Variants in RARB observed in about 807,000 individuals in gnomAD.
The protein encoded by RARB is HBV-activated protein.
Under a neutral mutation model 51.9 loss-of-function variants are expected in RARB, and 17 were observed. That is an observed-to-expected ratio of 0.33 (90% CI 0.22 to 0.49). RARB has a LOEUF of 0.49. Among genes scored for constraint, RARB ranks in the 20% least tolerant of loss-of-function variants. The pLI is 0.99. For missense variants in RARB, 369 were observed against 550.8 expected (o/e 0.67, Z 3.30); for synonymous variants, 215 against 195.4 (o/e 1.10, Z -0.84).
rs553018611 is a variant in RARB, at chr3:25,195,863, A to C, written c.178+21288A>C. Among the ~76,000 whole-genome samples the C allele has an allele frequency of 1.2e-3, 181 of 152,108 alleles. 1 individual carries two copies. The highest frequency in any genetic ancestry group is 4.2e-3 in the African/African-American group (173 of 41,548). ...TTCTATAAAATAAAGTTATATAAATATATCTGAAGTATATGTAATCTGTTA... is the reference window on the plus strand; with the variant it reads ...TTCTATAAAATAAAGTTATATAAATCTATCTGAAGTATATGTAATCTGTTA... On this transcript the variant is annotated intron_variant, in intron 5 of 11. Transcript: ENST00000383772.
chr3:25,476,466 T>G (rs768414362), intron 2 of RARB, among the ~76,000 whole-genome samples: 1 of 152,192 alleles, frequency 6.6e-6, no homozygotes, highest in African/African-American at 2.4e-5. Context: ...TTACACTCCA[T>G]TCTCTGCAGA....
At chr3:25,245,186 G>A (rs936948548) in intron 5 of RARB, among the ~76,000 whole-genome samples, 1 of 151,930 alleles carries the variant, frequency 6.6e-6, no homozygotes, top group African/African-American at 2.4e-5. Flanking sequence ...TTTATTTTGA[G>A]TCTATGAGTA....
intron 2 of RARB, among the ~76,000 whole-genome samples, chr3:24,993,942 T>A (rs1696969063): frequency 6.6e-6 from 1 of 152,168 alleles, no homozygotes; most frequent in Non-Finnish European, 1.5e-5. Flanking sequence ...TCTTGGCTAT[T>A]GTGAATAGTG....
rs188569956 is a variant in RARB at position 25,086,513 on chromosome 3, A to G, written c.-328+26337A>G. ...CTCTGTAAAATATTTAAAGAGATTT[A>G]TTTTGAGCCAAATATGAGTGACCGT... On this transcript the variant is annotated intron_variant, in intron 3 of 11. Transcript: ENST00000383772. Among the ~76,000 whole-genome samples, 63 of 152,308 alleles carry G rather than the reference A, an allele frequency of 4.1e-4. No individual in the cohort carries two copies. In the Middle Eastern group the frequency reaches 0.01, roughly 25 times the overall value.
At chr3:24,859,774 A>T (rs1178495640) in intron 2 of RARB, among the ~76,000 whole-genome samples, 1 of 152,234 alleles carries the variant, frequency 6.6e-6, no homozygotes, top group Non-Finnish European at 1.5e-5. Context: ...TTTGTGGGCC[A>T]TATGGTCTGT....
At chr3:25,485,025 GT>G (rs1371238408) in intron 2 of RARB, among the ~76,000 whole-genome samples, 1 of 152,098 alleles carries the variant, frequency 6.6e-6, no homozygotes, top group East Asian at 1.9e-4. Flanking sequence ...ATAATTTTGT[GT>G]TTCACACACA....
intron 5 of RARB, among the ~76,000 whole-genome samples, chr3:25,234,694 C>A (rs1193393627): frequency 2.6e-5 from 4 of 151,980 alleles, no homozygotes. Flanking sequence ...TTCTTCATTC[C>A]TCTGACCAGA....
At chr3:24,914,419 T>C (rs1262807642) in intron 2 of RARB, among the ~76,000 whole-genome samples, 1 of 152,112 alleles carries the variant, frequency 6.6e-6, no homozygotes, top group South Asian at 2.1e-4. Flanking sequence ...GGCCTTATCC[T>C]GCTTGCTCAT....
chr3:25,252,856 A>G (rs922382641), intron 5 of RARB, among the ~76,000 whole-genome samples: 10 of 152,094 alleles, frequency 6.6e-5, no homozygotes, highest in Admixed American at 6.6e-4. Context: ...GTGAGTCATG[A>G]CTTATGGATC....
chr3:25,233,173 C>T (rs926094859), intron 5 of RARB, among the ~76,000 whole-genome samples: 2 of 151,722 alleles, frequency 1.3e-5, no homozygotes, highest in African/African-American at 4.8e-5. Context: ...GCTGGCCAGG[C>T]TGGTCTTGAG....
At chr3:25,088,223 T>G (rs1699135908) in intron 3 of RARB, among the ~76,000 whole-genome samples, 1 of 152,126 alleles carries the variant, frequency 6.6e-6, no homozygotes, top group Admixed American at 6.6e-5. Flanking sequence ...TTCACACTTC[T>G]CTTTGCTGTT....
At position 24,871,313 on chromosome 3, in the gene RARB, T is replaced by G. The variant is rs184852503; in HGVS notation, c.-380+12561T>G. Among the ~76,000 whole-genome samples, 6 of 152,318 alleles carry G rather than the reference T, an allele frequency of 3.9e-5. No individual in the cohort carries two copies. The East Asian group carries it at 5.8e-4, about 15-fold the overall frequency. Reference sequence around the variant, plus strand: ...AATATATATTGAGACGACATAGTTTTAAAATCTCTTGATGGTCAATCAAAT... The same window carrying G: ...AATATATATTGAGACGACATAGTTTGAAAATCTCTTGATGGTCAATCAAAT... On this transcript the variant is annotated intron_variant, in intron 2 of 11. Coordinates refer to the RARB transcript ENST00000383772.
intron 4 of RARB, among the ~76,000 whole-genome samples, chr3:25,157,380 G>GTGTGTGTA (rs758200423): frequency 0.029 from 4,199 of 146,656 alleles, 83 homozygotes; most frequent in African/African-American, 0.044. Flanking sequence ...GTGTGTGTGT[G>GTGTGTGTA]TATATATATG....
In RARB at chr3:24,987,597, C is replaced by G. The variant is rs1384843120; in HGVS notation, c.-379-72528C>G. 2.0e-5 allele frequency among the ~76,000 whole-genome samples: 3 copies of G among 152,224 alleles called. No homozygotes were observed. In the East Asian group the frequency reaches 5.8e-4, roughly 29 times the overall value. Reference sequence around the variant, plus strand: ...TTTTTAAGACAAGAGACTTATATCCCTCCTGAGGGACTGTTCTACACCACT... The same window carrying G: ...TTTTTAAGACAAGAGACTTATATCCGTCCTGAGGGACTGTTCTACACCACT... On this transcript the variant is annotated intron_variant, in intron 2 of 11. Transcript: ENST00000383772.
chr3:24,897,704 TG>T (rs1703507355), intron 2 of RARB, among the ~76,000 whole-genome samples: 1 of 151,912 alleles, frequency 6.6e-6, no homozygotes, highest in Non-Finnish European at 1.5e-5. Context: ...GAGTGCCTTC[TG>T]TCCAGAAACC....
At chr3:24,967,348 A>G (rs1696298263) in intron 2 of RARB, among the ~76,000 whole-genome samples, 1 of 152,204 alleles carries the variant, frequency 6.6e-6, no homozygotes, top group Middle Eastern at 3.4e-3. Context: ...AAGGCTACCT[A>G]TGTTTGCCCA....
chr3:24,834,593 C>T (rs1281577887), intron 1 of RARB, among the ~76,000 whole-genome samples: 2 of 152,300 alleles, frequency 1.3e-5, no homozygotes, highest in East Asian at 1.9e-4. Context: ...GTATGTGGTA[C>T]ATCTGAGACG....
intron 2 of RARB, among the ~76,000 whole-genome samples, chr3:24,879,198 G>A (rs956735136): frequency 2.6e-4 from 40 of 152,156 alleles, no homozygotes; most frequent in African/African-American, 8.4e-4. Flanking sequence ...GGGAGGCCGC[G>A]GCCGGCGGAT....
At chr3:25,312,486 G>A (rs1340886657) in intron 5 of RARB, among the ~76,000 whole-genome samples, 1 of 152,114 alleles carries the variant, frequency 6.6e-6, no homozygotes, top group Non-Finnish European at 1.5e-5. Flanking sequence ...GTCAAGTATA[G>A]AGGAAAAGTA....
Sources: allele counts gnomAD v4.1 joint callset (sites outside exome capture counted in the v4.1 genomes callset), GRCh38; gene constraint gnomAD v4.1.1; transcripts MANE v1.5; gene names NCBI Gene and HGNC (gene_info 2026-07-23, HGNC 2026-07-21).